Variants in PTPRT observed in about 807,000 individuals in gnomAD.
The protein encoded by PTPRT is receptor-type tyrosine-protein phosphatase T.
Under a neutral mutation model 176.8 loss-of-function variants are expected in PTPRT, and 56 were observed. The ratio of observed to expected loss-of-function variants is 0.32; its 90% confidence interval spans 0.26 to 0.40. The LOEUF is 0.40. PTPRT is among the 10% of genes least tolerant of loss of function. PTPRT has a pLI of 1.00. For missense variants in PTPRT, 1,540 were observed against 1,908.2 expected (o/e 0.81, Z 3.60); for synonymous variants, 783 against 739.0 (o/e 1.06, Z -0.96).
chr20:42,934,932 T>A (rs1980080723), intron 1 of PTPRT, among the ~76,000 whole-genome samples: 1 of 151,268 alleles, frequency 6.6e-6, no homozygotes, highest in Non-Finnish European at 1.5e-5. Context: ...GAAAAAAAAA[T>A]CTGGGCATAG....
intron 9 of PTPRT, among the ~76,000 whole-genome samples, chr20:42,386,922 TTA>T (rs1388887823): frequency 4.6e-5 from 7 of 152,294 alleles, no homozygotes; most frequent in Middle Eastern, 3.4e-3. Flanking sequence ...TGAAGCTGTT[TTA>T]TGTGTCCAAG....
At chr20:42,941,458 G>T (rs1344236505) in intron 1 of PTPRT, among the ~76,000 whole-genome samples, 1 of 152,116 alleles carries the variant, frequency 6.6e-6, no homozygotes, top group Non-Finnish European at 1.5e-5. Context: ...CAATTGTCTT[G>T]CCTCTTCCCT....
intron 1 of PTPRT, among the ~76,000 whole-genome samples, chr20:43,123,278 G>A (rs1215050478): frequency 6.6e-6 from 1 of 152,226 alleles, no homozygotes; most frequent in African/African-American, 2.4e-5. Context: ...TGGCCTGGTT[G>A]ACTGCATTTG....
At chr20:42,825,557 A>G (rs1214474108) in intron 2 of PTPRT, among the ~76,000 whole-genome samples, 1 of 150,572 alleles carries the variant, frequency 6.6e-6, no homozygotes, top group African/African-American at 2.4e-5. Flanking sequence ...ATGCATACAC[A>G]TGTGTGTATA....
intron 17 of PTPRT, among the ~76,000 whole-genome samples, chr20:42,147,652 A>G (rs1392922398): frequency 6.6e-6 from 1 of 152,170 alleles, no homozygotes; most frequent in Non-Finnish European, 1.5e-5. Flanking sequence ...ACACCCCAGC[A>G]TGCACCTATC....
Position 43,189,807 on chromosome 20 carries a change from C to G in PTPRT, c.-74G>C. 2 of 819,200 alleles carry G rather than the reference C, an allele frequency of 2.4e-6. No homozygotes were observed. Among genetic ancestry groups the G allele is most frequent in the Non-Finnish European group, 3.0e-6 (2 of 672,674 alleles). 50.7% of individuals were successfully genotyped at this position (819,200 alleles called of 1,614,324 possible). ...GGACTGGGGCGGGCGCGGGGTGGCC[C>G]CGCATCGCCGGCGCGGCCGCTGGCT... On this transcript the variant is annotated 5_prime_UTR_variant, in exon 1 of 31. Transcript: ENST00000373187. The surrounding 1 kb of genome is among the most constrained non-coding windows in gnomAD (Gnocchi z 5.0).
At chr20:42,497,495 C>T (rs1406704077) in intron 7 of PTPRT, among the ~76,000 whole-genome samples, 1 of 151,996 alleles carries the variant, frequency 6.6e-6, no homozygotes, top group African/African-American at 2.4e-5. Flanking sequence ...GTTGCTCAGG[C>T]TGACCTCAAA....
At chr20:43,035,241 C>T (rs1270491348) in intron 1 of PTPRT, among the ~76,000 whole-genome samples, 3 of 152,022 alleles carry the variant, frequency 2.0e-5, no homozygotes, top group East Asian at 1.9e-4. Context: ...AGAACACTCC[C>T]GCCTCGAAAC....
intron 12 of PTPRT, among the ~76,000 whole-genome samples, chr20:42,310,665 A>C (rs1243838598): frequency 1.3e-5 from 2 of 152,150 alleles, no homozygotes; most frequent in Non-Finnish European, 2.9e-5. Context: ...ATGACACTTC[A>C]AAGTCCTTCC....
chr20:43,033,141 C>CT (rs1308215703), intron 1 of PTPRT, among the ~76,000 whole-genome samples: 2 of 152,140 alleles, frequency 1.3e-5, no homozygotes, highest in Non-Finnish European at 2.9e-5. Flanking sequence ...CCAAATTTGC[C>CT]TTTTTGTGGC....
chr20:42,225,256 C>G (rs181238707), intron 15 of PTPRT, among the ~76,000 whole-genome samples: 1 of 151,494 alleles, frequency 6.6e-6, no homozygotes, highest in African/African-American at 2.4e-5. Flanking sequence ...CCTCTCTCCT[C>G]TCTCTCTCTC....
intron 7 of PTPRT, among the ~76,000 whole-genome samples, chr20:42,554,073 G>T (rs1191853698): frequency 6.6e-6 from 1 of 152,070 alleles, no homozygotes; most frequent in Admixed American, 6.6e-5. Context: ...TATAATCTTT[G>T]CAGGATTTTC....
intron 7 of PTPRT, among the ~76,000 whole-genome samples, chr20:42,624,355 A>C (rs1387329906): frequency 6.6e-6 from 1 of 152,244 alleles, no homozygotes; most frequent in African/African-American, 2.4e-5. Context: ...AGAAACACTC[A>C]GCTGTTATTC....
chr20:42,041,478 C>A, the PTPRT span, among the ~76,000 whole-genome samples: 2 of 152,132 alleles, frequency 1.3e-5, no homozygotes, highest in African/African-American at 2.4e-5. Flanking sequence ...CCTTTCTTTT[C>A]TTTTAATATC....
At chr20:42,395,065 T>C (rs2425487) in intron 9 of PTPRT, among the ~76,000 whole-genome samples, 94,954 of 152,032 alleles carry the variant, frequency 0.62, 30,485 homozygotes, top group African/African-American at 0.77. Flanking sequence ...CTGGTCTCGT[T>C]GTAACTCCTG....
chr20:43,077,630 G>A (rs1471104868), intron 1 of PTPRT, among the ~76,000 whole-genome samples: 2 of 152,210 alleles, frequency 1.3e-5, no homozygotes, highest in Admixed American at 1.3e-4. Context: ...AAAAAGCCAG[G>A]CACATCCCAT....
At chr20:42,170,868 G>A (rs953963935) in intron 16 of PTPRT, among the ~76,000 whole-genome samples, 10 of 152,050 alleles carry the variant, frequency 6.6e-5, no homozygotes, top group African/African-American at 9.7e-5. Context: ...AAATCTTCAC[G>A]TGTAAAGAGT....
At chr20:42,627,410 C>G (rs1320184231) in intron 7 of PTPRT, among the ~76,000 whole-genome samples, 1 of 152,018 alleles carries the variant, frequency 6.6e-6, no homozygotes, top group South Asian at 2.1e-4. Flanking sequence ...GCTGGGACTA[C>G]AGGTATATGC....
intron 1 of PTPRT, among the ~76,000 whole-genome samples, chr20:43,142,201 T>G (rs2146402511): frequency 6.6e-6 from 1 of 152,294 alleles, no homozygotes; most frequent in African/African-American, 2.4e-5. Flanking sequence ...AAACAGTGAA[T>G]CATGCCCAAC....
Sources: allele counts gnomAD v4.1 joint callset (sites outside exome capture counted in the v4.1 genomes callset), GRCh38; gene constraint gnomAD v4.1.1; non-coding constraint Gnocchi (gnomAD v3.1); transcripts MANE v1.5; gene names NCBI Gene and HGNC (gene_info 2026-07-23, HGNC 2026-07-21).